Variants in DCAF8L2 observed in about 807,000 individuals in gnomAD.
DCAF8L2 encodes the protein DDB1 and CUL4 associated factor 8 like 2.
For synonymous variants in DCAF8L2, 200 were observed against 190.9 expected (o/e 1.05, Z -0.39); for missense variants, 430 against 490.7 (o/e 0.88, Z 1.17).
chrX:27,731,633 T>C (rs1382725006), intron 4 of DCAF8L2, among the ~76,000 whole-genome samples: 1 of 110,612 alleles, frequency 9.0e-6, no homozygotes, highest in Non-Finnish European at 1.9e-5. Context: ...CTGACTCGAA[T>C]CACCTCCCAA....
Position 27,637,725 on chromosome X carries a change from G to T in DCAF8L2, c.-220+5725G>T, listed in dbSNP as rs761260828. Among the ~76,000 whole-genome samples the T allele has an allele frequency of 1.2e-4, 13 of 109,896 alleles. No homozygotes were observed. In the South Asian group the frequency reaches 4.2e-3, roughly 36 times the overall value. On this transcript the variant is annotated intron_variant, in intron 2 of 4. Transcript: ENST00000451261. The stretch of plus-strand genomic sequence containing the variant: ...TAAAATCATTTATGAATAAAAGGGG[G>T]CTCAAAATTTAATGAAAAGCAATAA...
intron 2 of DCAF8L2, among the ~76,000 whole-genome samples, chrX:27,659,770 T>C (rs1452781978): frequency 9.0e-6 from 1 of 111,444 alleles, no homozygotes; most frequent in Non-Finnish European, 1.9e-5. Flanking sequence ...TCAAGATTTC[T>C]ATTTGGTTCT....
chrX:27,580,917 T>A, the DCAF8L2 span, among the ~76,000 whole-genome samples: 11 of 104,241 alleles, frequency 1.1e-4, no homozygotes, highest in Non-Finnish European at 1.8e-4. Flanking sequence ...TTAAATTTAC[T>A]AGTAGTCACA....
At position 27,748,463 on chromosome X, in the gene DCAF8L2, C is replaced by G. The variant is rs1308405971; in HGVS notation, c.1568C>G (p.Pro523Arg). 1.7e-6 allele frequency: 2 copies of G among 1,207,456 alleles called. No individual in the cohort carries two copies. The highest frequency in any genetic ancestry group is 4.4e-5 in the Admixed American group (2 of 45,544). Residue 523 changes from proline (P) to arginine (R), a missense_variant, in exon 5 of 5, where the codon CCT (proline) becomes CGT (arginine). Transcript: ENST00000451261. ...EGTINCLEPHPYLPVLACSGL... is the reference protein window; with the variant it reads ...EGTINCLEPHRYLPVLACSGL... ...ACAATAAACTGTCTTGAACCCCACC[C>G]TTACCTACCTGTGTTGGCGTGCAGT...
chrX:27,497,509 T>TTTCCTTCC, the DCAF8L2 span, among the ~76,000 whole-genome samples: 23 of 46,494 alleles, frequency 4.9e-4, no homozygotes, highest in South Asian at 2.9e-3. Context: ...TCTTTCTTTC[T>TTTCCTTCC]TTCCTTCCTT....
Position 27,725,817 on chromosome X carries a change from G to C in DCAF8L2, c.-59+9646G>C, listed in dbSNP as rs746995275. ...AAATACTCAGAACAAGAAATCGGTT[G>C]CTCATCTTTTAAGTGTAAATATATA... On this transcript the variant is annotated intron_variant, in intron 4 of 4. Transcript: ENST00000451261. Among the ~76,000 whole-genome samples the C allele has an allele frequency of 4.5e-4, 50 of 109,911 alleles. No individual in the cohort carries two copies. In the Admixed American group the frequency reaches 4.9e-3, roughly 11 times the overall value.
At chrX:27,514,001 T>G in the DCAF8L2 span, among the ~76,000 whole-genome samples, 5 of 112,040 alleles carry the variant, frequency 4.5e-5, no homozygotes, top group Non-Finnish European at 1.9e-5. Context: ...ATCCCACTAC[T>G]GGGTATATAT....
At chrX:27,601,744 C>T (rs1274358381) in intron 1 of DCAF8L2, among the ~76,000 whole-genome samples, 2 of 109,854 alleles carry the variant, frequency 1.8e-5, no homozygotes, top group Non-Finnish European at 3.8e-5. Context: ...ACCCAGGACC[C>T]AGTTTAACAT....
At chrX:27,576,015 C>T in the DCAF8L2 span, among the ~76,000 whole-genome samples, 1 of 111,984 alleles carries the variant, frequency 8.9e-6, no homozygotes, top group Non-Finnish European at 1.9e-5. Flanking sequence ...TGAAACAGTA[C>T]ACAAAATTGC....
chrX:27,748,853 G>T lies in DCAF8L2; in HGVS notation c.*62G>T. The T allele has an allele frequency of 9.1e-7, 1 of 1,100,871 alleles. No individual in the cohort carries two copies. The highest frequency in any genetic ancestry group is 1.2e-6 in the Non-Finnish European group (1 of 834,303). 90.7% of individuals were successfully genotyped at this position (1,100,871 alleles called of 1,213,427 possible). On this transcript the variant is annotated 3_prime_UTR_variant, in exon 5 of 5. Transcript: ENST00000451261. ...TACACTGGACTTTAAAATTCAGTTT[G>T]ACTAATTTAGAATTGTCAATAGATT...
intron 4 of DCAF8L2, among the ~76,000 whole-genome samples, chrX:27,744,801 T>C (rs2147343657): frequency 9.0e-6 from 1 of 111,583 alleles, no homozygotes; most frequent in African/African-American, 3.3e-5. Context: ...CCTCTTTTCC[T>C]GCTCCCTCTC....
chrX:27,691,354 A>C (rs147504230), intron 3 of DCAF8L2, among the ~76,000 whole-genome samples: 1,603 of 111,658 alleles, frequency 0.014, 10 homozygotes, highest in Non-Finnish European at 0.024. Context: ...TATATGGCAA[A>C]TTTAAATCCA....
chrX:27,581,677 G>T, the DCAF8L2 span, among the ~76,000 whole-genome samples: 2 of 107,690 alleles, frequency 1.9e-5, no homozygotes, highest in Non-Finnish European at 3.8e-5. Flanking sequence ...CCCACCTCCC[G>T]GGTTCAAGTG....
intron 3 of DCAF8L2, among the ~76,000 whole-genome samples, chrX:27,703,409 T>C (rs1171051671): frequency 9.0e-6 from 1 of 111,287 alleles, no homozygotes; most frequent in Non-Finnish European, 1.9e-5. Context: ...AAGGACACTA[T>C]TTCCCAATTT....
intron 2 of DCAF8L2, among the ~76,000 whole-genome samples, chrX:27,673,771 T>C (rs1397685996): frequency 9.2e-6 from 1 of 109,041 alleles, no homozygotes; most frequent in Non-Finnish European, 1.9e-5. Context: ...ACTTCACATG[T>C]ATTAATTCAT....
In DCAF8L2 at chrX:27,740,538, T is replaced by C. The variant is rs147550260; in HGVS notation, c.-58-6300T>C. Among the ~76,000 whole-genome samples the C allele has an allele frequency of 5.4e-3, 602 of 112,191 alleles. 5 individuals are homozygous for C. The highest frequency in any genetic ancestry group is 0.016 in the African/African-American group (506 of 30,880). ...TTCCTTATAATGGTCAACAAGGTTC[T>C]GTTTAGTTAGCCATGGCTTCTTCCA... is the stretch of plus-strand genomic sequence containing the variant. On this transcript the variant is annotated intron_variant, in intron 4 of 4. Transcript: ENST00000451261.
At chrX:27,576,857 A>G in the DCAF8L2 span, among the ~76,000 whole-genome samples, 3 of 111,976 alleles carry the variant, frequency 2.7e-5, no homozygotes, top group Admixed American at 2.9e-4. Context: ...TCTACGTAAC[A>G]TTGAACTCAA....
chrX:27,720,814 G>A (rs1011601522), intron 4 of DCAF8L2, among the ~76,000 whole-genome samples: 4 of 111,983 alleles, frequency 3.6e-5, no homozygotes, highest in African/African-American at 1.3e-4. Context: ...ATGTATTTAT[G>A]TGTGTGTTCT....
chrX:27,747,284 A>AGGG lies in DCAF8L2; in HGVS notation c.391_392insGGG (p.Glu130_Glu131insGly). On this transcript the variant is annotated inframe_insertion, in exon 5 of 5. Transcript: ENST00000451261. Reference sequence around the variant, plus strand: ...GAGGAGGGAGGGGAGGAGGAGGAAGAGGAGGAGGAGGAGGAGGAGGAGGAG... The same window carrying AGGG: ...GAGGAGGGAGGGGAGGAGGAGGAAGAGGGGGAGGAGGAGGAGGAGGAGGAGGAG... 1.3e-5 allele frequency: 3 copies of AGGG among 228,602 alleles called. No individual in the cohort carries two copies. The highest frequency in any genetic ancestry group is 1.0e-4 in the South Asian group (1 of 9,677). 18.8% of individuals were successfully genotyped at this position (228,602 alleles called of 1,213,427 possible).
Sources: gnomAD v4.1 joint callset for allele counts (sites outside exome capture counted in the v4.1 genomes callset) on GRCh38, gnomAD v4.1.1 for gene constraint, MANE v1.5 for transcripts, NCBI Gene and HGNC (gene_info 2026-07-23, HGNC 2026-07-21) for gene names.